SHROOM3: variants seen among roughly 807,000 people sequenced by gnomAD.
SHROOM3 encodes the protein protein Shroom3.
Under a neutral mutation model 138.6 loss-of-function variants are expected in SHROOM3, and 47 were observed. The observed-to-expected ratio is 0.34, with a 90% CI of 0.27 to 0.43. The LOEUF is 0.43. Among genes scored for constraint, SHROOM3 ranks in the 20% least tolerant of loss-of-function variants. SHROOM3 has a pLI of 1.00. For synonymous variants in SHROOM3, 1,062 were observed against 1,063.3 expected (o/e 1.00, Z 0.02); for missense variants, 2,491 against 2,596.5 (o/e 0.96, Z 0.88).
At chr4:76,760,196 T>C (rs866435126) in intron 9 of SHROOM3, among the ~76,000 whole-genome samples, 4 of 152,364 alleles carry the variant, frequency 2.6e-5, no homozygotes, top group East Asian at 1.9e-4. Context: ...CCAGCCCTTT[T>C]TGAGGGACTT....
intron 3 of SHROOM3, among the ~76,000 whole-genome samples, chr4:76,727,094 C>G (rs1042428795): frequency 6.6e-6 from 1 of 152,176 alleles, no homozygotes; most frequent in Non-Finnish European, 1.5e-5. Context: ...CAACTCCCTT[C>G]ACTAAGTAGT....
At chr4:76,497,343 A>T (rs1190712051) in intron 1 of SHROOM3, among the ~76,000 whole-genome samples, 1 of 152,246 alleles carries the variant, frequency 6.6e-6, no homozygotes, top group Non-Finnish European at 1.5e-5. Flanking sequence ...CTAAGTAAAA[A>T]ATAATTCCCA....
At position 76,685,403 on chromosome 4, in the gene SHROOM3, T is replaced by C. The variant is rs964921057; in HGVS notation, c.324-24753T>C. ...AAAAAATCACAAAAAAAAAATCCCA[T>C]AATGTTTTAAGAAAGTTCATGAATT... On this transcript the variant is annotated intron_variant, in intron 2 of 10. Transcript: ENST00000296043. Among the ~76,000 whole-genome samples the C allele has an allele frequency of 2.0e-5, 3 of 151,804 alleles. No individual in the cohort carries two copies. In the South Asian group the frequency reaches 6.2e-4, roughly 32 times the overall value.
rs1279650016 is a variant in SHROOM3, at chr4:76,778,838, G to C, written c.5652G>C (p.Leu1884=). The C allele has an allele frequency of 6.2e-7, 1 of 1,612,400 alleles. No individual in the cohort carries two copies. The highest frequency in any genetic ancestry group is 8.5e-7 in the Non-Finnish European group (1 of 1,180,038). The change falls in exon 11 of 11, where the codon CTG becomes CTC. Residue 1884 remains leucine (L), a synonymous_variant. Transcript: ENST00000296043. ...RSSLYEKRKI[L]AGQHEDAREL... is the part of the protein sequence containing the mutation. Reference sequence around the variant, plus strand: ...CTCTTTACGAGAAAAGGAAGATCCTGGCTGGTCAGCATGAGGATGCCCGGG... The same window carrying C: ...CTCTTTACGAGAAAAGGAAGATCCTCGCTGGTCAGCATGAGGATGCCCGGG...
At chr4:76,656,897 C>A (rs116714930) in intron 2 of SHROOM3, among the ~76,000 whole-genome samples, 200 of 152,322 alleles carry the variant, frequency 1.3e-3, no homozygotes, top group African/African-American at 4.6e-3. Flanking sequence ...ATTCACCAGG[C>A]ACAGTTGCTC....
At position 76,710,187 on chromosome 4, in the gene SHROOM3, A is replaced by G; in HGVS notation, c.355A>G (p.Thr119Ala). The G allele has an allele frequency of 1.2e-6, 2 of 1,614,144 alleles. No individual in the cohort carries two copies. Among genetic ancestry groups the G allele is most frequent in the Non-Finnish European group, 1.7e-6 (2 of 1,180,000 alleles). ...DVCTDPGHAD[T>A]GASNFVSPEH... ...GTGCACAGACCCAGGCCATGCAGAT[A>G]CTGGTGCCTCTAACTTCGTCAGCCC... Residue 119 changes from threonine (T) to alanine (A), a missense_variant, in exon 3 of 11, where the codon ACT (threonine) becomes GCT (alanine). Thr to Ala is a moderately conservative substitution (Grantham distance 58). Coordinates refer to ENST00000296043, the MANE Select transcript of SHROOM3 (RefSeq NM_020859.4).
chr4:76,612,482 A>C (rs1459448900), intron 2 of SHROOM3, among the ~76,000 whole-genome samples: 1 of 152,210 alleles, frequency 6.6e-6, no homozygotes, highest in Non-Finnish European at 1.5e-5. Flanking sequence ...GTAGCTTCTA[A>C]AGGGATTACT....
At chr4:76,524,879 A>G (rs553233958) in intron 1 of SHROOM3, among the ~76,000 whole-genome samples, 1 of 152,340 alleles carries the variant, frequency 6.6e-6, no homozygotes, top group East Asian at 1.9e-4. Context: ...AGCAGGCCAA[A>G]GGTAGGCATG....
chr4:76,476,970 AATTT>A, intron 1 of SHROOM3, among the ~76,000 whole-genome samples: 1 of 152,106 alleles, frequency 6.6e-6, no homozygotes, highest in East Asian at 1.9e-4. Context: ...TCTTGTTTTT[AATTT>A]ATTTATTTTT....
chr4:76,493,485 CA>C (rs1731898812), intron 1 of SHROOM3, among the ~76,000 whole-genome samples: 2 of 152,030 alleles, frequency 1.3e-5, no homozygotes, highest in African/African-American at 4.8e-5. Context: ...AGAGGAGCTG[CA>C]GAGGATTCTT....
At chr4:76,611,071 A>T (rs569808820) in intron 2 of SHROOM3, among the ~76,000 whole-genome samples, 2 of 152,344 alleles carry the variant, frequency 1.3e-5, no homozygotes, top group Non-Finnish European at 2.9e-5. Flanking sequence ...TAAAGTATAC[A>T]TAACATTAAA....
intron 8 of SHROOM3, among the ~76,000 whole-genome samples, chr4:76,757,726 A>T (rs1228344201): frequency 1.3e-5 from 2 of 152,156 alleles, no homozygotes; most frequent in Non-Finnish European, 1.5e-5. Flanking sequence ...GCCATGTAAC[A>T]CGTGTCCCAG....
At chr4:76,737,975 T>G (rs1721127476) in intron 4 of SHROOM3, among the ~76,000 whole-genome samples, 2 of 152,198 alleles carry the variant, frequency 1.3e-5, no homozygotes, top group African/African-American at 4.8e-5. Context: ...GAAAACCATC[T>G]GGAGGAGCTT....
intron 1 of SHROOM3, among the ~76,000 whole-genome samples, chr4:76,506,889 C>T (rs1438685881): frequency 1.3e-5 from 2 of 152,130 alleles, no homozygotes; most frequent in Non-Finnish European, 2.9e-5. Context: ...TCCCTCCATA[C>T]TTCCTTTCCC....
chr4:76,635,375 C>T (rs1375053484), intron 2 of SHROOM3, among the ~76,000 whole-genome samples: 1 of 152,212 alleles, frequency 6.6e-6, no homozygotes, highest in Non-Finnish European at 1.5e-5. Context: ...CTGCCCTCCT[C>T]TTCGTTTTGG....
intron 3 of SHROOM3, among the ~76,000 whole-genome samples, chr4:76,723,403 C>A (rs1430217166): frequency 6.6e-6 from 1 of 152,196 alleles, no homozygotes; most frequent in South Asian, 2.1e-4. Context: ...ATATATTCTT[C>A]TCCTAGCTCT....
At chr4:76,747,940 T>C (rs1270340959) in intron 5 of SHROOM3, among the ~76,000 whole-genome samples, 1 of 152,208 alleles carries the variant, frequency 6.6e-6, no homozygotes. Context: ...ATATGTCACC[T>C]TGCTGAGCTG....
intron 2 of SHROOM3, among the ~76,000 whole-genome samples, chr4:76,572,338 T>C (rs936741409): frequency 2.6e-5 from 4 of 152,144 alleles, no homozygotes; most frequent in African/African-American, 9.7e-5. Context: ...CTGTATACCG[T>C]GATAGGTGAC....
At chr4:76,574,731 A>G (rs1184422561) in intron 2 of SHROOM3, among the ~76,000 whole-genome samples, 1 of 152,214 alleles carries the variant, frequency 6.6e-6, no homozygotes, top group Admixed American at 6.5e-5. Context: ...CAAAAAGACA[A>G]ATACTGTAAA....
Sources: gnomAD v4.1 joint callset for allele counts (sites outside exome capture counted in the v4.1 genomes callset) on GRCh38, gnomAD v4.1.1 for gene constraint, MANE v1.5 for transcripts, NCBI Gene and HGNC (gene_info 2026-07-23, HGNC 2026-07-21) for gene names.